ZFHX3: variants seen among roughly 807,000 people sequenced by gnomAD.
ZFHX3 encodes zinc finger homeobox 3.
Under a neutral mutation model 279.1 loss-of-function variants are expected in ZFHX3, and 42 were observed. The ratio of observed to expected loss-of-function variants is 0.15; its 90% confidence interval spans 0.12 to 0.19. The LOEUF is 0.19. Among genes scored for constraint, ZFHX3 ranks in the 10% least tolerant of loss-of-function variants. The probability of loss-of-function intolerance (pLI) is 1.00; values close to 1 mark genes in which losing one functional copy is unlikely to be tolerated. For synonymous variants in ZFHX3, 2,293 were observed against 1,957.8 expected, an observed-to-expected ratio of 1.17 and a Z score of -4.52; for missense variants, 4,981 against 4,754.0, an observed-to-expected ratio of 1.05 and a Z score of -1.40.
At chr16:73,601,277 C>A (rs573653365) in intron 2 of ZFHX3, among the ~76,000 whole-genome samples, 1 of 149,512 alleles carries the variant, frequency 6.7e-6, no homozygotes, top group African/African-American at 2.5e-5. Flanking sequence ...ATGGTGAAAC[C>A]CCGTCTCTAC....
chr16:73,143,016 G>A (rs1685503983), intron 6 of ZFHX3, among the ~76,000 whole-genome samples: 1 of 152,080 alleles, frequency 6.6e-6, no homozygotes, highest in African/African-American at 2.4e-5. Flanking sequence ...TGGTGCTTAA[G>A]TAGAACCATA....
At chr16:73,134,037 G>A (rs4620989) in intron 6 of ZFHX3, among the ~76,000 whole-genome samples, 3,785 of 152,122 alleles carry the variant, frequency 0.025, 155 homozygotes, top group African/African-American at 0.086. Context: ...CTATGTCTAC[G>A]CCTATATCTA....
intron 8 of ZFHX3, among the ~76,000 whole-genome samples, chr16:73,091,035 C>T (rs1468044791): frequency 6.6e-6 from 1 of 151,294 alleles, no homozygotes; most frequent in African/African-American, 2.4e-5. Flanking sequence ...CACGGTAAAA[C>T]CCCGTCTCTA....
At chr16:73,756,997 A>C (rs988881065) in intron 1 of ZFHX3, among the ~76,000 whole-genome samples, 8 of 152,116 alleles carry the variant, frequency 5.3e-5, no homozygotes, top group Non-Finnish European at 7.3e-5. Flanking sequence ...AGAGTGCAAG[A>C]GGGAATGCAT....
chr16:73,275,339 A>G (rs2014265924), intron 4 of ZFHX3, among the ~76,000 whole-genome samples: 1 of 152,060 alleles, frequency 6.6e-6, no homozygotes, highest in African/African-American at 2.4e-5. Context: ...GTGTGTCTGT[A>G]TTTCCCTCTT....
chr16:72,983,601 G>C (rs1163380090), intron 1 of ZFHX3, among the ~76,000 whole-genome samples: 1 of 152,180 alleles, frequency 6.6e-6, no homozygotes, highest in Admixed American at 6.5e-5. Flanking sequence ...CAGCTACTCA[G>C]GAGGATGAGA....
At chr16:73,549,809 T>C (rs527609729) in intron 2 of ZFHX3, among the ~76,000 whole-genome samples, 1 of 152,152 alleles carries the variant, frequency 6.6e-6, no homozygotes, top group South Asian at 2.1e-4. Flanking sequence ...TTCTTCTTTT[T>C]CTTCTTCTTT....
chr16:72,854,941 G>GC (rs1170429815), intron 4 of ZFHX3, among the ~76,000 whole-genome samples: 1 of 118,324 alleles, frequency 8.5e-6, no homozygotes, highest in East Asian at 3.1e-4. Flanking sequence ...TGGTGGGTGG[G>GC]GGGGGGGTGT....
intron 1 of ZFHX3, among the ~76,000 whole-genome samples, chr16:73,818,589 C>G (rs115600619): frequency 0.015 from 2,293 of 152,302 alleles, 60 homozygotes; most frequent in African/African-American, 0.052. Flanking sequence ...ATTAAATAAG[C>G]AGACACCCAC....
chr16:72,956,653 A>C (rs1284354885), intron 2 of ZFHX3, among the ~76,000 whole-genome samples: 1 of 152,208 alleles, frequency 6.6e-6, no homozygotes. Flanking sequence ...TCTTCCTGGC[A>C]GCGAAGGCTC....
chr16:73,134,437 C>A (rs564149544), intron 6 of ZFHX3: 1 of 143,082 alleles, frequency 7.0e-6, no homozygotes, highest in African/African-American at 2.6e-5. Context: ...CTCAAGTGAT[C>A]CTTCTGCCTC....
chr16:73,592,912 TA>T (rs2052014322), intron 2 of ZFHX3, among the ~76,000 whole-genome samples: 1 of 151,614 alleles, frequency 6.6e-6, no homozygotes, highest in African/African-American at 2.4e-5. Context: ...TGGAAAAGGA[TA>T]AAAAACAGTA....
At chr16:72,881,187 G>A (rs200559378) in intron 4 of ZFHX3, among the ~76,000 whole-genome samples, 2 of 152,198 alleles carry the variant, frequency 1.3e-5, no homozygotes, top group African/African-American at 4.8e-5. Context: ...AGTTAACCAT[G>A]AGCCCCATGG....
intron 1 of ZFHX3, among the ~76,000 whole-genome samples, chr16:73,808,020 G>A (rs982415838): frequency 3.3e-5 from 5 of 151,908 alleles, no homozygotes; most frequent in African/African-American, 1.2e-4. Flanking sequence ...TCAAAACGAG[G>A]GTATAATGTC....
At chr16:73,070,617 C>T (rs1965810305) in intron 8 of ZFHX3, among the ~76,000 whole-genome samples, 1 of 152,190 alleles carries the variant, frequency 6.6e-6, no homozygotes, top group Non-Finnish European at 1.5e-5. Context: ...TCCCGCCCTC[C>T]CTCGGCAGGC....
chr16:72,949,911 CTTTTTTTTTT>C (rs774934563), intron 3 of ZFHX3, among the ~76,000 whole-genome samples: 2 of 116,058 alleles, frequency 1.7e-5, no homozygotes, highest in South Asian at 2.8e-4. Context: ...ATTTTCTTTT[CTTTTTTTTTT>C]TTTTTTTTGG....
chr16:73,286,679 G>A (rs1023490298), intron 4 of ZFHX3, among the ~76,000 whole-genome samples: 1 of 151,660 alleles, frequency 6.6e-6, no homozygotes, highest in Non-Finnish European at 1.5e-5. Context: ...GTGGATGTGT[G>A]GGTTGGTGTG....
At chr16:73,530,183 A>G (rs942781477) in intron 2 of ZFHX3, among the ~76,000 whole-genome samples, 1 of 152,144 alleles carries the variant, frequency 6.6e-6, no homozygotes, top group Non-Finnish European at 1.5e-5. Flanking sequence ...GAGAATGAGA[A>G]CCAAGTGAAA....
intron 1 of ZFHX3, among the ~76,000 whole-genome samples, chr16:73,718,846 C>A (rs1005122233): frequency 6.6e-6 from 1 of 152,056 alleles, no homozygotes; most frequent in Non-Finnish European, 1.5e-5. Context: ...AAACTCCTGA[C>A]CTCGTGATCT....
Sources: gnomAD v4.1 joint callset for allele counts (sites outside exome capture counted in the v4.1 genomes callset) on GRCh38, gnomAD v4.1.1 for gene constraint, MANE v1.5 for transcripts, NCBI Gene and HGNC (gene_info 2026-07-23, HGNC 2026-07-21) for gene names.